SCOC: variants seen among roughly 807,000 people sequenced by gnomAD.
The protein encoded by SCOC is short coiled coil protein.
A neutral mutation model predicts 9.9 loss-of-function variants in SCOC; 7 were observed. The observed-to-expected ratio is 0.71, with a 90% CI of 0.40 to 1.33. SCOC has a LOEUF of 1.33. SCOC is among the 40% of genes most tolerant of loss of function. SCOC has a pLI of 0.01. For synonymous variants in SCOC, 19 were observed against 28.2 expected (o/e 0.67, Z 1.03); for missense variants, 66 against 89.7 (o/e 0.74, Z 1.07).
At chr4:140,340,808 T>TTTTTTTTTTTTTTTTTTTTTTTTTTTTTC (rs140552446), upstream of SCOC, among the ~76,000 whole-genome samples, 3 of 111,814 alleles carry the variant, frequency 2.7e-5, 1 homozygote, top group Non-Finnish European at 3.6e-5. Context: ...TTTTTTTTTT[T>TTTTTTTTTTTTTTTTTTTTTTTTTTTTTC]AGAGGGATAG....
At chr4:140,268,887 A>G (rs1015007514) in intron 1 of SCOC, among the ~76,000 whole-genome samples, 2 of 152,164 alleles carry the variant, frequency 1.3e-5, no homozygotes, top group African/African-American at 2.4e-5. Flanking sequence ...GCGATTTTTC[A>G]TACTGTATAA....
chr4:140,384,106 T>G lies in SCOC; in HGVS notation c.*3002T>G, dbSNP rs1378624949. The G allele has an allele frequency of 6.6e-6, 1 of 152,228 alleles. No individual in the cohort carries two copies. Among genetic ancestry groups the G allele is most frequent in the Non-Finnish European group, 1.5e-5 (1 of 68,046 alleles). 9.4% of individuals were successfully genotyped at this position (152,228 alleles called of 1,614,324 possible). A position where few individuals can be genotyped will look rare whatever the true frequency, so the allele number is the denominator to read the frequency against. The stretch of plus-strand genomic sequence containing the variant: ...AGGTTCCTTGTATCAAAACTTTGTC[T>G]ATTCCCTTCTATCTTTGCTTGAAAA... On this transcript the variant is annotated 3_prime_UTR_variant, in exon 4 of 4. Transcript: ENST00000608372.
rs1728602404 is a variant in SCOC, at chr4:140,382,335, A to C, written c.*1231A>C. The C allele has an allele frequency of 6.6e-6, 1 of 152,628 alleles. No homozygotes were observed. Among genetic ancestry groups the C allele is most frequent in the South Asian group, 2.1e-4 (1 of 4,836 alleles). The allele number at this position is 152,628 out of a possible 1,614,324, so 9.5% of individuals were successfully genotyped here. A position where few individuals can be genotyped will look rare whatever the true frequency, so the allele number is the denominator to read the frequency against. On this transcript the variant is annotated 3_prime_UTR_variant, in exon 4 of 4. Coordinates refer to ENST00000608372, the MANE Select transcript of SCOC (RefSeq NM_001153484.2). ...AGTATTGCTAAAATCTTATAATATG[A>C]AAAGAGATCCACTAATGTAGCTTAA...
intron 1 of SCOC, among the ~76,000 whole-genome samples, chr4:140,294,801 T>C (rs543048507): frequency 6.6e-6 from 1 of 152,312 alleles, no homozygotes; most frequent in East Asian, 1.9e-4. Context: ...CCTGATGACA[T>C]CACATTTGCT....
chr4:140,259,213 G>T (rs1730575887), intron 1 of SCOC, among the ~76,000 whole-genome samples: 1 of 152,198 alleles, frequency 6.6e-6, no homozygotes, highest in African/African-American at 2.4e-5. Context: ...GAAAAAGGAT[G>T]CCCATCTTTG....
chr4:140,345,631 A>G lies in SCOC; in HGVS notation c.70+1923A>G, dbSNP rs548529064. Among the ~76,000 whole-genome samples, 3 of 152,344 alleles carry G rather than the reference A, an allele frequency of 2.0e-5. No homozygotes were observed. In the South Asian group the frequency reaches 6.2e-4, roughly 32 times the overall value. On this transcript the variant is annotated intron_variant, in intron 2 of 4. Coordinates refer to the SCOC transcript ENST00000338517. ...TCATTCAAATTGTGGAATCCTTGCAAAAGTAAAGCATTAAAAAGGTATGCT... is the reference window on the plus strand; with the variant it reads ...TCATTCAAATTGTGGAATCCTTGCAGAAGTAAAGCATTAAAAAGGTATGCT...
chr4:140,307,203 T>C (rs1434267353), intron 1 of SCOC, among the ~76,000 whole-genome samples: 1 of 152,228 alleles, frequency 6.6e-6, no homozygotes, highest in Non-Finnish European at 1.5e-5. Context: ...TATACATTTC[T>C]GTTGCCTATA....
intron 2 of SCOC, among the ~76,000 whole-genome samples, chr4:140,363,472 T>C (rs1451137466): frequency 1.3e-5 from 2 of 152,250 alleles, no homozygotes; most frequent in Admixed American, 6.5e-5. Context: ...CATATGTAGA[T>C]ACTAGTCTGT....
At chr4:140,360,194 ATAAAAT>A in intron 2 of SCOC, among the ~76,000 whole-genome samples, 1 of 152,242 alleles carries the variant, frequency 6.6e-6, no homozygotes, top group East Asian at 1.9e-4. Flanking sequence ...TTACTAAAGG[ATAAAAT>A]TAAAGTATGA....
intron 2 of SCOC, among the ~76,000 whole-genome samples, chr4:140,362,128 A>T (rs1727503247): frequency 1.9e-5 from 2 of 107,346 alleles, no homozygotes; most frequent in South Asian, 8.6e-4. Flanking sequence ...TCACTGAAGA[A>T]GGAAAGAGAG....
intron 1 of SCOC, among the ~76,000 whole-genome samples, chr4:140,299,410 T>C (rs545419219): frequency 2.0e-5 from 3 of 152,336 alleles, no homozygotes; most frequent in African/African-American, 2.4e-5. Flanking sequence ...CCTCACACTT[T>C]ACCATTCTTT....
At chr4:140,334,725 A>T (rs1356777323) in intron 1 of SCOC, among the ~76,000 whole-genome samples, 3 of 152,094 alleles carry the variant, frequency 2.0e-5, no homozygotes, top group African/African-American at 7.2e-5. Context: ...CTTTATACCT[A>T]TGGAATAGCA....
At chr4:140,273,696 C>T (rs969534309) in intron 1 of SCOC, among the ~76,000 whole-genome samples, 6 of 151,772 alleles carry the variant, frequency 4.0e-5, no homozygotes, top group African/African-American at 1.5e-4. Context: ...GAGGCATTCT[C>T]ATGGTTTTAA....
chr4:140,333,107 C>T (rs1732866866), intron 1 of SCOC, among the ~76,000 whole-genome samples: 1 of 152,210 alleles, frequency 6.6e-6, no homozygotes, highest in Non-Finnish European at 1.5e-5. Context: ...CATGCCACCT[C>T]AAGGTCTTTG....
At chr4:140,334,853 G>C (rs934181215) in intron 1 of SCOC, among the ~76,000 whole-genome samples, 2 of 152,044 alleles carry the variant, frequency 1.3e-5, no homozygotes, top group African/African-American at 4.8e-5. Context: ...TGTAATCCCA[G>C]CACTTTGAGA....
At chr4:140,320,191 A>G (rs1158919724) in intron 1 of SCOC, among the ~76,000 whole-genome samples, 1 of 152,146 alleles carries the variant, frequency 6.6e-6, no homozygotes, top group African/African-American at 2.4e-5. Context: ...CAAGATGGCC[A>G]CGAAGAGTAA....
At chr4:140,346,923 C>T (rs1295600567) in intron 2 of SCOC, among the ~76,000 whole-genome samples, 1 of 152,118 alleles carries the variant, frequency 6.6e-6, no homozygotes, top group East Asian at 1.9e-4. Flanking sequence ...CATTGTTTCA[C>T]ACTAGATTGA....
chr4:140,338,729 A>G (rs1010178835), upstream of SCOC, among the ~76,000 whole-genome samples: 1 of 152,222 alleles, frequency 6.6e-6, no homozygotes, highest in African/African-American at 2.4e-5. Context: ...ATACCTAGGA[A>G]TCCAACTTAC....
chr4:140,374,043 T>C (rs1057337031), intron 1 of SCOC: 14 of 531,734 alleles, frequency 2.6e-5, no homozygotes, highest in Middle Eastern at 2.8e-4. Flanking sequence ...AGCTCTCGGC[T>C]CTGGAATTGG....
Sources: allele counts gnomAD v4.1 joint callset (sites outside exome capture counted in the v4.1 genomes callset), GRCh38; gene constraint gnomAD v4.1.1; transcripts MANE v1.5; gene names NCBI Gene and HGNC (gene_info 2026-07-23, HGNC 2026-07-21).